CCSER1: variants seen among roughly 807,000 people sequenced by gnomAD.
The protein encoded by CCSER1 is serine-rich coiled-coil domain-containing protein 1.
A neutral mutation model predicts 82.0 loss-of-function variants in CCSER1; 41 were observed. The ratio of observed to expected loss-of-function variants is 0.50; its 90% confidence interval spans 0.39 to 0.65. The LOEUF (loss-of-function observed/expected upper bound fraction) is 0.65, where lower values mean the gene tolerates loss of function less well. Ranked by LOEUF, CCSER1 falls within the 30% of genes least tolerant of loss-of-function variation. The pLI is 0.00. For synonymous variants in CCSER1, 414 were observed against 383.9 expected (o/e 1.08, Z -0.92); for missense variants, 1,119 against 1,064.2 (o/e 1.05, Z -0.72).
At chr4:91,266,204 C>A (rs13125757) in intron 10 of CCSER1, among the ~76,000 whole-genome samples, 1 of 151,728 alleles carries the variant, frequency 6.6e-6, no homozygotes, top group Admixed American at 6.6e-5. Flanking sequence ...GAATTTTAAG[C>A]CCTAAGACCA....
At chr4:90,512,917 A>T (rs1578894995) in intron 5 of CCSER1, among the ~76,000 whole-genome samples, 1 of 152,208 alleles carries the variant, frequency 6.6e-6, no homozygotes, top group South Asian at 2.1e-4. Context: ...TAAATCATTT[A>T]TAATTATTGA....
intron 8 of CCSER1, among the ~76,000 whole-genome samples, chr4:90,896,378 T>G (rs1215369780): frequency 6.6e-6 from 1 of 151,974 alleles, no homozygotes; most frequent in African/African-American, 2.4e-5. Context: ...GAGGTGATCT[T>G]TCATAATTTT....
At chr4:90,810,670 A>AACG (rs1364980745) in intron 7 of CCSER1, among the ~76,000 whole-genome samples, 12 of 151,894 alleles carry the variant, frequency 7.9e-5, no homozygotes, top group African/African-American at 2.9e-4. Flanking sequence ...CAACAACAAC[A>AACG]ACAACAACAA....
intron 10 of CCSER1, among the ~76,000 whole-genome samples, chr4:91,427,804 AT>A (rs1382738109): frequency 6.6e-6 from 1 of 152,130 alleles, no homozygotes; most frequent in African/African-American, 2.4e-5. Flanking sequence ...AGGGAACTTA[AT>A]TTAAAATAAC....
At position 91,510,347 on chromosome 4, in the gene CCSER1, T is replaced by C. The variant is rs147952486; in HGVS notation, c.2218-88225T>C. On this transcript the variant is annotated intron_variant, in intron 10 of 10. Coordinates refer to ENST00000509176, the MANE Select transcript of CCSER1 (RefSeq NM_001145065.2). ...TAGGTGTCTTTTTGGTTGAATGATTTATTTTATTTTGATTGTTGGGTTGAG... is the reference window on the plus strand; with the variant it reads ...TAGGTGTCTTTTTGGTTGAATGATTCATTTTATTTTGATTGTTGGGTTGAG... Among the ~76,000 whole-genome samples the C allele has an allele frequency of 2.6e-5, 4 of 152,308 alleles. No individual in the cohort carries two copies. In the East Asian group the frequency reaches 7.7e-4, roughly 29 times the overall value.
intron 1 of CCSER1, among the ~76,000 whole-genome samples, chr4:90,285,180 G>C (rs1004089134): frequency 7.9e-5 from 12 of 151,930 alleles, no homozygotes; most frequent in African/African-American, 2.9e-4. Flanking sequence ...TTTTTGTGAA[G>C]AATGTCATTG....
intron 9 of CCSER1, among the ~76,000 whole-genome samples, chr4:91,048,567 T>C (rs1742718900): frequency 6.6e-6 from 1 of 152,090 alleles, no homozygotes; most frequent in South Asian, 2.1e-4. Context: ...ATGGACAGGC[T>C]ACAATAAGAG....
At chr4:91,341,745 G>T (rs1011531409) in intron 10 of CCSER1, among the ~76,000 whole-genome samples, 1 of 152,154 alleles carries the variant, frequency 6.6e-6, no homozygotes. Flanking sequence ...GTTTCACCAT[G>T]TTGGCCAGTC....
chr4:90,824,965 A>C (rs1463994560), intron 8 of CCSER1, among the ~76,000 whole-genome samples: 3 of 152,154 alleles, frequency 2.0e-5, no homozygotes, highest in African/African-American at 4.8e-5. Flanking sequence ...TGTAAGACAG[A>C]TGTAGAGTGT....
At chr4:90,858,352 C>T (rs544328456) in intron 8 of CCSER1, among the ~76,000 whole-genome samples, 3 of 152,022 alleles carry the variant, frequency 2.0e-5, no homozygotes. Context: ...TCCCACATGA[C>T]AGAGCGTACC....
At chr4:90,544,031 C>G (rs112330758) in intron 5 of CCSER1, among the ~76,000 whole-genome samples, 3 of 151,978 alleles carry the variant, frequency 2.0e-5, no homozygotes, top group Non-Finnish European at 4.4e-5. Flanking sequence ...AAGCAGCAGT[C>G]GAAGTAACAT....
chr4:91,432,767 G>C (rs1050191826), intron 10 of CCSER1, among the ~76,000 whole-genome samples: 1 of 152,154 alleles, frequency 6.6e-6, no homozygotes, highest in Non-Finnish European at 1.5e-5. Flanking sequence ...AGGGAAATTA[G>C]CTCTTTGTAG....
chr4:90,236,137 C>A (rs1200205371), intron 1 of CCSER1, among the ~76,000 whole-genome samples: 1 of 152,064 alleles, frequency 6.6e-6, no homozygotes, highest in East Asian at 1.9e-4. Context: ...AGATGTTGCT[C>A]ACGCTGCTCT....
chr4:91,474,787 G>GTATATATATATA (rs764572024), intron 10 of CCSER1, among the ~76,000 whole-genome samples: 5 of 135,176 alleles, frequency 3.7e-5, no homozygotes, highest in Admixed American at 7.7e-5. Context: ...ATATATTTGT[G>GTATATATATATA]TATATATATA....
intron 10 of CCSER1, among the ~76,000 whole-genome samples, chr4:91,485,060 A>T (rs1485430023): frequency 6.6e-6 from 1 of 152,158 alleles, no homozygotes; most frequent in Non-Finnish European, 1.5e-5. Context: ...AGAGCCCTAT[A>T]CCTAATTTCT....
At chr4:90,605,298 C>G (rs1179613280) in intron 5 of CCSER1, among the ~76,000 whole-genome samples, 2 of 152,176 alleles carry the variant, frequency 1.3e-5, no homozygotes, top group Non-Finnish European at 2.9e-5. Context: ...ATTGTGGACA[C>G]ATCGGGATTG....
At chr4:90,422,061 A>G (rs554717757) in intron 4 of CCSER1, among the ~76,000 whole-genome samples, 30 of 152,302 alleles carry the variant, frequency 2.0e-4, no homozygotes, top group Admixed American at 7.8e-4. Flanking sequence ...TGTTACAATC[A>G]CATATCAGAT....
chr4:90,689,776 A>G (rs1049595306), intron 6 of CCSER1, among the ~76,000 whole-genome samples: 3 of 152,148 alleles, frequency 2.0e-5, no homozygotes, highest in Admixed American at 6.6e-5. Flanking sequence ...AGTTTCAGAC[A>G]TAGCCTGATT....
At chr4:91,155,422 T>C (rs1294656977) in intron 10 of CCSER1, among the ~76,000 whole-genome samples, 1 of 151,968 alleles carries the variant, frequency 6.6e-6, no homozygotes, top group Admixed American at 6.6e-5. Context: ...CTCTTTCCTT[T>C]ATAAATTACC....
Sources: gnomAD v4.1 joint callset for allele counts (sites outside exome capture counted in the v4.1 genomes callset) on GRCh38, gnomAD v4.1.1 for gene constraint, MANE v1.5 for transcripts, NCBI Gene and HGNC (gene_info 2026-07-23, HGNC 2026-07-21) for gene names.